The following MTUS2 variants were observed in gnomAD, a reference collection of about 807,000 sequenced individuals.
The protein encoded by MTUS2 is microtubule-associated tumor suppressor candidate 2.
A neutral mutation model predicts 114.1 loss-of-function variants in MTUS2; 40 were observed. The ratio of observed to expected loss-of-function variants is 0.35; its 90% CI spans 0.27 to 0.46. MTUS2 has a LOEUF of 0.46. Ranked by LOEUF, MTUS2 falls within the 20% of genes least tolerant of loss-of-function variation. The probability of loss-of-function intolerance (pLI) is 1.00; values close to 1 mark genes in which losing one functional copy is unlikely to be tolerated. For synonymous variants in MTUS2, 688 were observed against 672.0 expected, an observed-to-expected ratio of 1.02 and a Z score of -0.37; for missense variants, 1,679 against 1,705.4, an observed-to-expected ratio of 0.98 and a Z score of 0.27.
At chr13:29,077,302 T>G (rs1037229674) in intron 4 of MTUS2, among the ~76,000 whole-genome samples, 1 of 152,134 alleles carries the variant, frequency 6.6e-6, no homozygotes, top group Non-Finnish European at 1.5e-5. Flanking sequence ...GAAGAATTGC[T>G]TCTCAGCCAT....
At chr13:28,963,117 C>T (rs1160993751) in intron 2 of MTUS2, among the ~76,000 whole-genome samples, 2 of 152,012 alleles carry the variant, frequency 1.3e-5, no homozygotes, top group South Asian at 2.1e-4. Flanking sequence ...TTTGGGAGGC[C>T]GAGACAGACG....
chr13:29,124,058 T>C (rs1451423117), intron 5 of MTUS2, among the ~76,000 whole-genome samples: 1 of 152,248 alleles, frequency 6.6e-6, no homozygotes, highest in Non-Finnish European at 1.5e-5. Flanking sequence ...ACACATTAGC[T>C]TGGCATTCAG....
At position 29,492,718 on chromosome 13, in the gene MTUS2, A is replaced by G; in HGVS notation, c.3578A>G (p.Gln1193Arg). ...TTTGAAAAACTGCGGCTGTCATTGC[A>G]GGTTAGTATTTCTTTAATTTTCTTA... ...ENFEKLRLSL[Q>R]DQVDTLTFQS... The change falls in exon 12 of 16, where the codon CAG becomes CGG. Residue 1193 changes from glutamine to arginine, a missense_variant and splice_region_variant. Gln to Arg is a conservative substitution (Grantham distance 43). Transcript: ENST00000612955. 1.9e-6 allele frequency: 3 copies of G among 1,611,726 alleles called. No homozygotes were observed. Among genetic ancestry groups the G allele is most frequent in the Non-Finnish European group, 2.5e-6 (3 of 1,177,916 alleles).
intron 5 of MTUS2, among the ~76,000 whole-genome samples, chr13:29,121,434 A>AAT (rs1209803497): frequency 3.0e-5 from 3 of 101,190 alleles, no homozygotes; most frequent in African/African-American, 1.4e-4. Flanking sequence ...TATGTAATGA[A>AAT]ATACACACAC....
intron 8 of MTUS2, among the ~76,000 whole-genome samples, chr13:29,417,680 T>G (rs1010138515): frequency 6.6e-6 from 1 of 152,214 alleles, no homozygotes; most frequent in African/African-American, 2.4e-5. Flanking sequence ...ATTTTTGTTC[T>G]TTGTCCATTT....
At chr13:28,967,070 T>A (rs1310230980) in intron 2 of MTUS2, among the ~76,000 whole-genome samples, 3 of 152,208 alleles carry the variant, frequency 2.0e-5, no homozygotes, top group Non-Finnish European at 4.4e-5. Flanking sequence ...CTCATGAAAC[T>A]GCCTACAAGA....
chr13:29,190,023 T>A (rs1894383172), intron 5 of MTUS2, among the ~76,000 whole-genome samples: 1 of 152,140 alleles, frequency 6.6e-6, no homozygotes, highest in Non-Finnish European at 1.5e-5. Flanking sequence ...GAGGACATAG[T>A]GAAAAGATGG....
chr13:28,869,124 G>T (rs1877470847), intron 2 of MTUS2, among the ~76,000 whole-genome samples: 1 of 152,196 alleles, frequency 6.6e-6, no homozygotes, highest in African/African-American at 2.4e-5. Context: ...CATTCACAAA[G>T]AAGAACCATT....
chr13:29,397,377 G>A (rs1873986174), intron 8 of MTUS2, among the ~76,000 whole-genome samples: 1 of 151,994 alleles, frequency 6.6e-6, no homozygotes, highest in African/African-American at 2.4e-5. Flanking sequence ...CAGTTTCTTG[G>A]CGCCTCTATT....
At chr13:29,469,450 AC>A (rs1382947609) in intron 9 of MTUS2, among the ~76,000 whole-genome samples, 1 of 151,820 alleles carries the variant, frequency 6.6e-6, no homozygotes, top group East Asian at 1.9e-4. Context: ...ATGCAGTGAA[AC>A]CCTGTCTCTA....
chr13:29,120,213 A>G (rs1891249420), intron 5 of MTUS2, among the ~76,000 whole-genome samples: 1 of 152,122 alleles, frequency 6.6e-6, no homozygotes, highest in Admixed American at 6.5e-5. Flanking sequence ...ATATTTAAGG[A>G]GATACTTTAC....
chr13:29,020,506 A>C (rs1193528423), intron 2 of MTUS2, among the ~76,000 whole-genome samples: 1 of 152,174 alleles, frequency 6.6e-6, no homozygotes, highest in Non-Finnish European at 1.5e-5. Context: ...AGCTGGAGTG[A>C]GGGAGACGCG....
chr13:29,137,456 T>A (rs1188709919), intron 5 of MTUS2, among the ~76,000 whole-genome samples: 1 of 152,158 alleles, frequency 6.6e-6, no homozygotes, highest in Non-Finnish European at 1.5e-5. Context: ...TTTTCCCTCT[T>A]CCTCTGGGAC....
At chr13:29,468,523 G>A (rs1386397969) in intron 9 of MTUS2, among the ~76,000 whole-genome samples, 1 of 152,050 alleles carries the variant, frequency 6.6e-6, no homozygotes, top group Non-Finnish European at 1.5e-5. Flanking sequence ...AGAGGTTGCA[G>A]AGAGTTGAGA....
intron 6 of MTUS2, among the ~76,000 whole-genome samples, chr13:29,318,391 C>CTTTTTTTTTTTTTTTTTTTTTTTTTT (rs71090240): frequency 2.1e-4 from 29 of 135,054 alleles, no homozygotes; most frequent in African/African-American, 4.3e-4. Context: ...ATTTCTTTTT[C>CTTTTTTTTTTTTTTTTTTTTTTTTTT]TTTTTTTTTT....
chr13:29,169,955 G>A (rs1893483761), intron 5 of MTUS2, among the ~76,000 whole-genome samples: 1 of 152,198 alleles, frequency 6.6e-6, no homozygotes, highest in African/African-American at 2.4e-5. Flanking sequence ...GGGACCCCAT[G>A]ACCTGTCATT....
chr13:29,473,951 T>C (rs905636784), intron 9 of MTUS2, among the ~76,000 whole-genome samples: 4 of 152,162 alleles, frequency 2.6e-5, no homozygotes, highest in Non-Finnish European at 5.9e-5. Context: ...AGTGCCCAAA[T>C]AGATAGACTT....
intron 2 of MTUS2, among the ~76,000 whole-genome samples, chr13:29,014,263 G>A (rs903751502): frequency 2.6e-5 from 4 of 152,230 alleles, no homozygotes; most frequent in Non-Finnish European, 4.4e-5. Context: ...AGTTGCTCAA[G>A]ACTGTGGTTT....
At position 29,445,463 on chromosome 13, in the gene MTUS2, C is replaced by G. The variant is rs147937341; in HGVS notation, c.3184+5414C>G. Among the ~76,000 whole-genome samples the G allele has an allele frequency of 4.3e-3, 658 of 152,294 alleles. 2 individuals carry two copies. Among genetic ancestry groups the G allele is most frequent in the African/African-American group, 0.015 (637 of 41,566 alleles). On this transcript the variant is annotated intron_variant, in intron 9 of 15. Coordinates refer to ENST00000612955, the MANE Select transcript of MTUS2 (RefSeq NM_001033602.4). ...ACTCAGAGGTTGCCATAACTGCCTC[C>G]TTAGGTTTGATAATTCACTAGAATG...
Sources: gnomAD v4.1 joint callset for allele counts (sites outside exome capture counted in the v4.1 genomes callset) on GRCh38, gnomAD v4.1.1 for gene constraint, MANE v1.5 for transcripts, NCBI Gene and HGNC (gene_info 2026-07-23, HGNC 2026-07-21) for gene names.